Variants in BTC observed in about 807,000 individuals in gnomAD.
BTC encodes the protein probetacellulin.
In BTC, 13 loss-of-function variants were observed where a neutral mutation model predicts 18.1. That is an observed-to-expected ratio of 0.72 (90% CI 0.47 to 1.14). The LOEUF is 1.14. BTC is among the 50% of genes most tolerant of loss of function. The pLI is 0.00. For synonymous variants in BTC, 83 were observed against 79.4 expected (o/e 1.05, Z -0.24); for missense variants, 247 against 224.2 (o/e 1.10, Z -0.65).
At chr4:74,760,168 G>A (rs957405251) in intron 2 of BTC, among the ~76,000 whole-genome samples, 10 of 152,190 alleles carry the variant, frequency 6.6e-5, no homozygotes, top group African/African-American at 2.4e-4. Context: ...TGTTATTACA[G>A]TGCTTTTTTG....
chr4:74,748,309 G>C (rs1243231025), intron 4 of BTC, among the ~76,000 whole-genome samples, 160 bp from the exon 5 acceptor site: 1 of 152,158 alleles, frequency 6.6e-6, no homozygotes, highest in Admixed American at 6.5e-5. Context: ...AGCACTTTGG[G>C]AGGCCGAGGC....
chr4:74,753,254 C>G (rs1419829919), intron 3 of BTC, among the ~76,000 whole-genome samples: 4 of 152,146 alleles, frequency 2.6e-5, no homozygotes, highest in Non-Finnish European at 5.9e-5. Flanking sequence ...GATCACTATT[C>G]TGAAATAACC....
At chr4:74,748,330 C>T (rs782278941) in intron 4 of BTC, among the ~76,000 whole-genome samples, 181 bp from the exon 5 acceptor site, 9 of 152,166 alleles carry the variant, frequency 5.9e-5, no homozygotes, top group African/African-American at 1.9e-4. Context: ...AGGTGGATCA[C>T]AAGGTCAGGA....
chr4:74,769,340 A>C (rs1724980913), intron 2 of BTC, among the ~76,000 whole-genome samples: 1 of 152,114 alleles, frequency 6.6e-6, no homozygotes, highest in South Asian at 2.1e-4. Context: ...GGGTCAGCAA[A>C]CTGTAGTCCA....
At chr4:74,770,753 G>A (rs1034173208) in intron 1 of BTC, among the ~76,000 whole-genome samples, 1 of 152,034 alleles carries the variant, frequency 6.6e-6, no homozygotes, top group South Asian at 2.1e-4. Flanking sequence ...TCCTTGTGTA[G>A]ATACTGATTC....
At chr4:74,759,420 C>G (rs1332364299) in intron 2 of BTC, among the ~76,000 whole-genome samples, 1 of 152,116 alleles carries the variant, frequency 6.6e-6, no homozygotes, top group African/African-American at 2.4e-5. Flanking sequence ...AAATATGCCC[C>G]TGTCCCAGAG....
At chr4:74,786,030 T>C (rs979154112) in intron 1 of BTC, among the ~76,000 whole-genome samples, 2 of 152,164 alleles carry the variant, frequency 1.3e-5, no homozygotes, top group Admixed American at 1.3e-4. Context: ...GCTTTTACAA[T>C]TATAAAGCTT....
chr4:74,746,689 A>G lies in BTC; in HGVS notation c.*2-14T>C, dbSNP rs1476754698. The G allele has an allele frequency of 6.6e-6, 1 of 152,636 alleles. No homozygotes were observed. Among genetic ancestry groups the G allele is most frequent in the African/African-American group, 2.4e-5 (1 of 41,446 alleles). 9.5% of individuals were successfully genotyped at this position (152,636 alleles called of 1,614,324 possible). On this transcript the variant is annotated splice_polypyrimidine_tract_variant and intron_variant, in intron 5 of 5. Transcript: ENST00000395743. ...ACTTCATAGCCTCTGAGAATGAAGA[A>G]AATAACAGCACATCACTTAAAAGAA...
At chr4:74,770,259 G>A in intron 1 of BTC, 103 bp from the exon 2 acceptor site, 1 of 909,294 alleles carries the variant, frequency 1.1e-6, no homozygotes, top group Non-Finnish European at 1.7e-6. Flanking sequence ...AAAATAACAA[G>A]ACTATGGTTT....
chr4:74,769,481 G>C (rs1317314090), intron 2 of BTC, among the ~76,000 whole-genome samples: 1 of 152,048 alleles, frequency 6.6e-6, no homozygotes, highest in Non-Finnish European at 1.5e-5. Flanking sequence ...TTGTGACAAA[G>C]ACATCATGAT....
At chr4:74,786,663 G>A (rs1434815147) in intron 1 of BTC, among the ~76,000 whole-genome samples, 3 of 152,150 alleles carry the variant, frequency 2.0e-5, no homozygotes, top group Admixed American at 6.5e-5. Flanking sequence ...GAATTCAAGG[G>A]TGTTTTTAAA....
chr4:74,788,913 G>A (rs910993383), intron 1 of BTC, among the ~76,000 whole-genome samples: 3 of 152,322 alleles, frequency 2.0e-5, no homozygotes, highest in East Asian at 3.9e-4. Context: ...AGGATACTGA[G>A]TTCTGGGAGA....
intron 2 of BTC, among the ~76,000 whole-genome samples, chr4:74,759,930 A>C (rs1310961623): frequency 6.6e-6 from 1 of 152,238 alleles, no homozygotes; most frequent in East Asian, 1.9e-4. Context: ...TGTTTTGATT[A>C]AACATAGGAT....
At chr4:74,766,336 A>G (rs189657456) in intron 2 of BTC, among the ~76,000 whole-genome samples, 3 of 152,192 alleles carry the variant, frequency 2.0e-5, no homozygotes, top group Admixed American at 2.0e-4. Context: ...AAACTTTTAA[A>G]TTAATTTTTC....
chr4:74,770,020 A>G (rs1338568508), intron 2 of BTC, 38 bp downstream of exon 2: 1 of 1,514,430 alleles, frequency 6.6e-7, no homozygotes, highest in East Asian at 2.3e-5. Context: ...TCAGAAAATT[A>G]AAACTCAGAT....
intron 1 of BTC, among the ~76,000 whole-genome samples, chr4:74,775,465 G>A (rs1725152161): frequency 1.3e-5 from 2 of 151,992 alleles, no homozygotes; most frequent in Admixed American, 6.6e-5. Context: ...AAGATCATAG[G>A]TTATGTTAAA....
intron 2 of BTC, among the ~76,000 whole-genome samples, chr4:74,757,883 A>G (rs1367536520): frequency 1.3e-5 from 2 of 152,212 alleles, no homozygotes; most frequent in East Asian, 3.9e-4. Flanking sequence ...GATAACATCT[A>G]CATTGAAGGT....
At chr4:74,792,041 T>C (rs906323869) in intron 1 of BTC, among the ~76,000 whole-genome samples, 1 of 151,504 alleles carries the variant, frequency 6.6e-6, no homozygotes, top group South Asian at 2.1e-4. Flanking sequence ...ATTGCTCACA[T>C]TCTTTTCAAA....
chr4:74,747,932 T>C (rs1233063751), intron 5 of BTC, 108 bp downstream of exon 5: 3 of 541,508 alleles, frequency 5.5e-6, no homozygotes, highest in Admixed American at 3.8e-5. Context: ...TAGATGTTTT[T>C]AAATATAATC....
Sources: gnomAD v4.1 joint callset for allele counts (sites outside exome capture counted in the v4.1 genomes callset) on GRCh38, gnomAD v4.1.1 for gene constraint, MANE v1.5 for transcripts, NCBI Gene and HGNC (gene_info 2026-07-23, HGNC 2026-07-21) for gene names.